LSAMP: variants seen among roughly 807,000 people sequenced by gnomAD.
LSAMP encodes limbic system associated membrane protein.
LSAMP carries 7 observed loss-of-function variants against 38.6 expected under a neutral mutation model. The ratio of observed to expected loss-of-function variants is 0.18; its 90% CI spans 0.10 to 0.34. The LOEUF (loss-of-function observed/expected upper bound fraction) is 0.34, where lower values mean the gene tolerates loss of function less well. LSAMP is among the 10% of genes least tolerant of loss of function. The pLI, the probability that LSAMP is intolerant of heterozygous loss-of-function variation, is 1.00. For synonymous variants in LSAMP, 154 were observed against 166.8 expected (o/e 0.92, Z 0.59); for missense variants, 313 against 420.0 (o/e 0.75, Z 2.23).
intron 1 of LSAMP, among the ~76,000 whole-genome samples, chr3:116,355,110 A>G (rs551761885): frequency 1.3e-5 from 2 of 151,910 alleles, no homozygotes; most frequent in South Asian, 2.1e-4. Flanking sequence ...GTTCTTTACC[A>G]TATATATATA....
At chr3:116,095,468 G>C (rs1165517010) in intron 1 of LSAMP, among the ~76,000 whole-genome samples, 2 of 152,190 alleles carry the variant, frequency 1.3e-5, no homozygotes, top group Non-Finnish European at 2.9e-5. Flanking sequence ...GATGGTAGAG[G>C]TTAAGAGAAG....
intron 3 of LSAMP, among the ~76,000 whole-genome samples, chr3:115,961,948 G>C (rs1020782809): frequency 6.6e-6 from 1 of 152,166 alleles, no homozygotes; most frequent in Non-Finnish European, 1.5e-5. Context: ...AAAGATAGCT[G>C]CATGGCTTTT....
intron 1 of LSAMP, among the ~76,000 whole-genome samples, chr3:116,377,348 C>T (rs143599134): frequency 2.6e-5 from 4 of 152,044 alleles, no homozygotes; most frequent in African/African-American, 4.8e-5. Context: ...TCTGTTCTTG[C>T]GTTAGTTTGC....
At chr3:115,861,536 A>G (rs1423745557) in intron 3 of LSAMP, among the ~76,000 whole-genome samples, 1 of 152,120 alleles carries the variant, frequency 6.6e-6, no homozygotes, top group Non-Finnish European at 1.5e-5. Context: ...AGGAGAAGGA[A>G]TGTGGACCCT....
At chr3:116,025,930 C>A (rs1940780103) in intron 2 of LSAMP, among the ~76,000 whole-genome samples, 1 of 151,922 alleles carries the variant, frequency 6.6e-6, no homozygotes, top group African/African-American at 2.4e-5. Context: ...CACATAAATT[C>A]TGCATTAAAA....
At chr3:115,905,395 A>G (rs898766929) in intron 3 of LSAMP, among the ~76,000 whole-genome samples, 5 of 151,998 alleles carry the variant, frequency 3.3e-5, no homozygotes, top group African/African-American at 9.7e-5. Flanking sequence ...GCATCCTGAA[A>G]AAAAATCAAT....
At chr3:116,340,748 C>A (rs1193938838) in intron 1 of LSAMP, among the ~76,000 whole-genome samples, 2 of 151,804 alleles carry the variant, frequency 1.3e-5, no homozygotes, top group Non-Finnish European at 2.9e-5. Flanking sequence ...AACTCAGATC[C>A]AAGGCTCTAT....
intron 1 of LSAMP, among the ~76,000 whole-genome samples, chr3:116,180,646 A>G (rs1312497268): frequency 6.6e-6 from 1 of 152,180 alleles, no homozygotes; most frequent in Non-Finnish European, 1.5e-5. Flanking sequence ...TTTGATGACC[A>G]ATAGTTTTAT....
At chr3:116,000,606 T>C (rs1282533297) in intron 3 of LSAMP, among the ~76,000 whole-genome samples, 4 of 152,188 alleles carry the variant, frequency 2.6e-5, no homozygotes, top group Non-Finnish European at 4.4e-5. Flanking sequence ...TGAGTACTTG[T>C]TGTGGACCTG....
intron 2 of LSAMP, among the ~76,000 whole-genome samples, chr3:116,050,076 C>T (rs1371545744): frequency 3.9e-5 from 6 of 152,098 alleles, no homozygotes; most frequent in South Asian, 4.2e-4. Flanking sequence ...CTCTGGCTTC[C>T]AATTGGGATC....
intron 1 of LSAMP, among the ~76,000 whole-genome samples, chr3:116,377,765 A>C (rs2107798315): frequency 6.6e-6 from 1 of 152,148 alleles, no homozygotes; most frequent in East Asian, 1.9e-4. Flanking sequence ...AGCCCTTTAT[A>C]TATGTATATG....
intron 1 of LSAMP, among the ~76,000 whole-genome samples, chr3:116,391,371 G>A (rs2048694358): frequency 6.6e-6 from 1 of 151,564 alleles, no homozygotes; most frequent in African/African-American, 2.4e-5. Flanking sequence ...GGACCCACTC[G>A]CAGGCCAGGA....
intron 1 of LSAMP, among the ~76,000 whole-genome samples, chr3:116,173,894 A>G (rs532444059): frequency 1.3e-5 from 2 of 150,426 alleles, no homozygotes; most frequent in Non-Finnish European, 3.0e-5. Context: ...TACCATTGTT[A>G]TTGGACAATC....
chr3:116,186,998 A>C (rs1710634412), intron 1 of LSAMP, among the ~76,000 whole-genome samples: 1 of 152,120 alleles, frequency 6.6e-6, no homozygotes, highest in Non-Finnish European at 1.5e-5. Context: ...GTATGTAGTA[A>C]TGCTCATATT....
chr3:115,861,438 C>T (rs557664827), intron 3 of LSAMP, among the ~76,000 whole-genome samples: 12 of 152,030 alleles, frequency 7.9e-5, no homozygotes, highest in East Asian at 1.9e-4. Flanking sequence ...GTTTAACTGA[C>T]GGTGGCTGCC....
intron 1 of LSAMP, among the ~76,000 whole-genome samples, chr3:116,195,593 A>C (rs914803286): frequency 2.0e-5 from 3 of 152,154 alleles, no homozygotes; most frequent in African/African-American, 7.2e-5. Context: ...AAGCAAAATA[A>C]ATTGACAGAA....
At chr3:115,862,738 G>A (rs1048292253) in intron 3 of LSAMP, among the ~76,000 whole-genome samples, 4 of 152,164 alleles carry the variant, frequency 2.6e-5, no homozygotes, top group African/African-American at 4.8e-5. Context: ...TCTTCATTTT[G>A]ACCTAAAGGT....
At chr3:116,294,206 A>G (rs2047301452) in intron 1 of LSAMP, among the ~76,000 whole-genome samples, 1 of 152,176 alleles carries the variant, frequency 6.6e-6, no homozygotes, top group Non-Finnish European at 1.5e-5. Context: ...ACTGGCACCA[A>G]TCAGTCCACT....
intron 3 of LSAMP, among the ~76,000 whole-genome samples, chr3:116,013,449 A>C (rs1176211004): frequency 6.6e-6 from 1 of 152,178 alleles, no homozygotes; most frequent in Non-Finnish European, 1.5e-5. Flanking sequence ...TATTGGGAAA[A>C]TATGTTTCAA....
Sources: allele counts gnomAD v4.1 joint callset (sites outside exome capture counted in the v4.1 genomes callset), GRCh38; gene constraint gnomAD v4.1.1; transcripts MANE v1.5; gene names NCBI Gene and HGNC (gene_info 2026-07-23, HGNC 2026-07-21).